XKR5: variants seen among roughly 807,000 people sequenced by gnomAD.
XKR5 encodes the protein XK-related protein 5.
Under a neutral mutation model 40.8 loss-of-function variants are expected in XKR5, and 46 were observed. That is an observed-to-expected ratio of 1.13 (90% CI 0.89 to 1.44). The LOEUF is 1.44. XKR5 is among the 40% of genes most tolerant of loss of function. The probability of loss-of-function intolerance (pLI) is 0.00; values close to 1 mark genes in which losing one functional copy is unlikely to be tolerated. For synonymous variants in XKR5, 466 were observed against 356.1 expected (o/e 1.31, Z -3.48); for missense variants, 1,169 against 844.7 (o/e 1.38, Z -4.76).
At chr8:6,820,264 G>A (rs1037436599) in intron 5 of XKR5, among the ~76,000 whole-genome samples, 8 of 152,228 alleles carry the variant, frequency 5.3e-5, no homozygotes, top group Admixed American at 3.9e-4. Context: ...AAGGACACTC[G>A]TGCCACTGTG....
chr8:6,814,053 C>T (rs1259093774), intron 6 of XKR5, among the ~76,000 whole-genome samples: 1 of 152,164 alleles, frequency 6.6e-6, no homozygotes, highest in East Asian at 1.9e-4. Context: ...TATCACATGG[C>T]CCCTCCCTGA....
chr8:6,820,176 C>T (rs1300718325), intron 5 of XKR5, among the ~76,000 whole-genome samples: 1 of 152,248 alleles, frequency 6.6e-6, no homozygotes, highest in Non-Finnish European at 1.5e-5. Context: ...CCCATGTTCC[C>T]CATCACATGC....
rs992221842 is a variant in XKR5 at position 6,809,436 on chromosome 8, G to A, written c.*1762C>T. On this transcript the variant is annotated 3_prime_UTR_variant, in exon 7 of 7. Coordinates refer to ENST00000618742, the MANE Select transcript of XKR5 (RefSeq NM_207411.5). Reference sequence around the variant, plus strand: ...CTCGAGCAGCTGGGACTACAGGTGTGTGCCACCACACCAGGATAATTTATG... The same window carrying A: ...CTCGAGCAGCTGGGACTACAGGTGTATGCCACCACACCAGGATAATTTATG... 6.6e-6 allele frequency: 1 copy of A among 152,092 alleles called. No homozygotes were observed. The highest frequency in any genetic ancestry group is 2.4e-5 in the African/African-American group (1 of 41,388). 9.4% of individuals were successfully genotyped at this position (152,092 alleles called of 1,614,324 possible).
At chr8:6,821,518 C>T (rs1207417166) in intron 5 of XKR5, among the ~76,000 whole-genome samples, 1 of 152,100 alleles carries the variant, frequency 6.6e-6, no homozygotes, top group Non-Finnish European at 1.5e-5. Flanking sequence ...TCATAAACCC[C>T]TAATAAAAAT....
Position 6,825,350 on chromosome 8 carries a change from C to T in XKR5, c.243-1G>A. On this transcript the variant is annotated splice_acceptor_variant, in intron 2 of 6. Coordinates refer to ENST00000618742, the MANE Select transcript of XKR5 (RefSeq NM_207411.5). LOFTEE classifies it high-confidence loss of function. ...ACTGGTCAGTGCAGCGTCCCAGTGC[C>T]TAGGGAACAGCAGAGGGCACGTGAC... 2 of 1,545,808 alleles carry T rather than the reference C, an allele frequency of 1.3e-6. No individual in the cohort carries two copies. Among genetic ancestry groups the T allele is most frequent in the Non-Finnish European group, 1.7e-6 (2 of 1,151,474 alleles).
At chr8:6,820,751 T>A (rs149033250) in intron 5 of XKR5, among the ~76,000 whole-genome samples, 2 of 152,268 alleles carry the variant, frequency 1.3e-5, no homozygotes, top group East Asian at 3.9e-4. Context: ...ACATTGCAAG[T>A]CCTGTGAGCT....
At chr8:6,829,487 A>G (rs1353807622) in intron 2 of XKR5, among the ~76,000 whole-genome samples, 1 of 152,204 alleles carries the variant, frequency 6.6e-6, no homozygotes, top group Non-Finnish European at 1.5e-5. Flanking sequence ...TAAAAAGAAT[A>G]CACTTATGGC....
chr8:6,812,841 A>G (rs1179238434), intron 6 of XKR5, among the ~76,000 whole-genome samples: 1 of 152,238 alleles, frequency 6.6e-6, no homozygotes, highest in Non-Finnish European at 1.5e-5. Context: ...GGTTAATCAG[A>G]TTCATCAAAA....
Position 6,811,153 on chromosome 8 carries a change from C to A in XKR5, c.*45G>T. 1.3e-6 allele frequency: 2 copies of A among 1,491,078 alleles called. No individual in the cohort carries two copies. Among genetic ancestry groups the A allele is most frequent in the Non-Finnish European group, 1.8e-6 (2 of 1,120,632 alleles). 92.4% of individuals were successfully genotyped at this position (1,491,078 alleles called of 1,614,324 possible). On this transcript the variant is annotated 3_prime_UTR_variant, in exon 7 of 7. Transcript: ENST00000618742. The stretch of plus-strand genomic sequence containing the variant: ...TTCCTTTCTCACGGTACCAAATGGC[C>A]AGCTTGGTTTGTCAGCCTGTTGTCT...
rs932800888 is a variant in XKR5, at chr8:6,811,653, C to G, written c.1606G>C (p.Gly536Arg). 2.6e-6 allele frequency: 4 copies of G among 1,537,620 alleles called. No homozygotes were observed. The highest frequency in any genetic ancestry group is 3.5e-6 in the Non-Finnish European group (4 of 1,147,008). Reference protein sequence around the residue: ...GTGGQQRGGEGQQSSTLYFSA... With the variant: ...GTGGQQRGGERQQSSTLYFSA... ...AAGTACAACGTGGAACTCTGCTGTCCTTCCCCTCCTCTCTGCTGCCCACCT... is the reference window on the plus strand; with the variant it reads ...AAGTACAACGTGGAACTCTGCTGTCGTTCCCCTCCTCTCTGCTGCCCACCT... The change falls in exon 7 of 7, where the codon GGA becomes CGA. Residue 536 changes from glycine to arginine, a missense_variant. Transcript: ENST00000618742.
In XKR5 at chr8:6,822,397, G is replaced by C. The variant is rs1314899725; in HGVS notation, c.638-359C>G. On this transcript the variant is annotated intron_variant, in intron 4 of 6. Transcript: ENST00000618742. ...CAATTATTTTAAAATTGTTACAAGA[G>C]CAAAAAACCTCCACATGCAAAGGAA... is the stretch of plus-strand genomic sequence containing the variant. Among the ~76,000 whole-genome samples the C allele has an allele frequency of 2.6e-5, 4 of 152,214 alleles. No individual in the cohort carries two copies. In the East Asian group the frequency reaches 7.7e-4, roughly 29 times the overall value.
intron 3 of XKR5, among the ~76,000 whole-genome samples, chr8:6,824,780 C>T (rs1563357546): frequency 6.6e-6 from 1 of 152,158 alleles, no homozygotes; most frequent in Non-Finnish European, 1.5e-5. Flanking sequence ...ACCTCAGCTT[C>T]CCAAAGTGCT....
chr8:6,817,033 C>T (rs752723774), intron 5 of XKR5, among the ~76,000 whole-genome samples: 1 of 152,198 alleles, frequency 6.6e-6, no homozygotes, highest in African/African-American at 2.4e-5. Context: ...TCTCCCCACT[C>T]CTCAGCTGTG....
chr8:6,825,896 A>G (rs1804451262), intron 2 of XKR5, among the ~76,000 whole-genome samples: 1 of 152,218 alleles, frequency 6.6e-6, no homozygotes, highest in Non-Finnish European at 1.5e-5. Flanking sequence ...GGGAGTGGCC[A>G]GAGGTCCAGG....
chr8:6,830,591 T>C (rs1444657997), intron 2 of XKR5, among the ~76,000 whole-genome samples: 1 of 152,256 alleles, frequency 6.6e-6, no homozygotes. Flanking sequence ...TTTTCTAACA[T>C]TTCATCTCGA....
At chr8:6,827,897 G>C (rs1442467053) in intron 2 of XKR5, among the ~76,000 whole-genome samples, 3 of 151,956 alleles carry the variant, frequency 2.0e-5, no homozygotes, top group Non-Finnish European at 4.4e-5. Context: ...GAGACTCCAT[G>C]TCTACAAAAC....
chr8:6,819,362 C>T (rs1804119479), intron 5 of XKR5, among the ~76,000 whole-genome samples: 1 of 152,240 alleles, frequency 6.6e-6, no homozygotes, highest in South Asian at 2.1e-4. Flanking sequence ...GTGCACATCT[C>T]AGGGAGTGGC....
At chr8:6,819,091 G>A (rs994655801) in intron 5 of XKR5, among the ~76,000 whole-genome samples, 2 of 152,234 alleles carry the variant, frequency 1.3e-5, no homozygotes, top group African/African-American at 4.8e-5. Flanking sequence ...TTGAAGGGAT[G>A]TGGGGGTGGT....
intron 5 of XKR5, 138 bp from the exon 6 acceptor site, chr8:6,816,056 C>A (rs1285539898): frequency 3.2e-6 from 2 of 617,176 alleles, no homozygotes; most frequent in East Asian, 2.9e-5. Context: ...TGAGGAGTAC[C>A]CAGGAGCAGG....
Sources: gnomAD v4.1 joint callset for allele counts (sites outside exome capture counted in the v4.1 genomes callset) on GRCh38, gnomAD v4.1.1 for gene constraint, MANE v1.5 for transcripts, NCBI Gene and HGNC (gene_info 2026-07-23, HGNC 2026-07-21) for gene names.